Variants in TCN1 observed in about 807,000 individuals in gnomAD.
TCN1 encodes transcobalamin-1.
Under a neutral mutation model 46.3 loss-of-function variants are expected in TCN1, and 47 were observed. The observed-to-expected ratio is 1.01, with a 90% CI of 0.80 to 1.29. TCN1 has a LOEUF of 1.29. Among genes scored for constraint, TCN1 ranks in the 50% most tolerant of loss-of-function variants. The pLI, the probability that TCN1 is intolerant of heterozygous loss-of-function variation, is 0.00. For missense variants in TCN1, 532 were observed against 511.0 expected, an observed-to-expected ratio of 1.04 and a Z score of -0.40; for synonymous variants, 183 against 192.5, an observed-to-expected ratio of 0.95 and a Z score of 0.41.
intron 7 of TCN1, among the ~76,000 whole-genome samples, chr11:59,853,600 C>T (rs1565213083): frequency 6.6e-6 from 1 of 152,122 alleles, no homozygotes; most frequent in African/African-American, 2.4e-5. Flanking sequence ...CCCCACCTGC[C>T]ATGGTAGATA....
At chr11:59,862,748 A>G (rs1003188010) in intron 2 of TCN1, 26 bp from the exon 3 acceptor site, 75 of 1,612,204 alleles carry the variant, frequency 4.7e-5, no homozygotes, top group Non-Finnish European at 6.4e-5. Flanking sequence ...TTCAAGCTTA[A>G]TAAGGTACAG....
chr11:59,864,140 T>G (rs1435946809), intron 1 of TCN1, 54 bp from the exon 2 acceptor site: 1 of 1,576,744 alleles, frequency 6.3e-7, no homozygotes, highest in Non-Finnish European at 8.7e-7. Flanking sequence ...ATAGTAAGAC[T>G]TGCAGCAGGG....
rs34530014 is a variant in TCN1, at chr11:59,863,993, AC to A, written c.172del (p.Val58CysfsTer14). The A allele has an allele frequency of 1.8e-3, 2,925 of 1,613,996 alleles. 56 individuals carry two copies. The African/African-American group carries it at 0.035, about 20-fold the overall frequency. ...YNRGTSAVNV[V>X]LSLKLVGIQI... ...GATTCCAACAAGTTTGAGGGACAAC[AC>A]AACATTGACAGCGCTGGTTCCCCTG... is the stretch of plus-strand genomic sequence containing the variant. On this transcript the variant is annotated frameshift_variant, in exon 2 of 9. Coordinates refer to ENST00000257264, the MANE Select transcript of TCN1 (RefSeq NM_001062.4). LOFTEE classifies it high-confidence loss of function.
intron 3 of TCN1, among the ~76,000 whole-genome samples, chr11:59,862,344 T>G (rs960025110): frequency 1.3e-5 from 2 of 152,132 alleles, no homozygotes; most frequent in African/African-American, 4.8e-5. Context: ...TGTATGTGTG[T>G]GTGTGTTTCT....
At chr11:59,861,242 C>T (rs74612762) in intron 4 of TCN1, among the ~76,000 whole-genome samples, 2,724 of 152,250 alleles carry the variant, frequency 0.018, 82 homozygotes, top group African/African-American at 0.059. Flanking sequence ...TTATCCTCAT[C>T]TTACAAATGG....
At chr11:59,862,202 A>G (rs1288301503) in intron 3 of TCN1, among the ~76,000 whole-genome samples, 2 of 152,120 alleles carry the variant, frequency 1.3e-5, no homozygotes, top group Non-Finnish European at 2.9e-5. Flanking sequence ...CTAGCATTGT[A>G]TATTTTGGTA....
At chr11:59,853,607 G>GAT (rs1565213086) in intron 7 of TCN1, among the ~76,000 whole-genome samples, 1 of 152,162 alleles carries the variant, frequency 6.6e-6, no homozygotes, top group African/African-American at 2.4e-5. Flanking sequence ...TGCCATGGTA[G>GAT]ATAGGTTTCA....
intron 5 of TCN1, among the ~76,000 whole-genome samples, chr11:59,856,534 G>A (rs1852940672): frequency 6.6e-6 from 1 of 151,682 alleles, no homozygotes. Context: ...TGGTATTTGA[G>A]TTAGGCCTTG....
intron 1 of TCN1, among the ~76,000 whole-genome samples, chr11:59,864,602 C>A (rs912265728): frequency 3.9e-5 from 6 of 152,086 alleles, no homozygotes; most frequent in African/African-American, 1.4e-4. Context: ...ACTTCATTGT[C>A]TGATTACCCA....
At chr11:59,861,482 G>A (rs765902933) in intron 4 of TCN1, 45 bp downstream of exon 4, 5 of 1,602,142 alleles carry the variant, frequency 3.1e-6, no homozygotes, top group Admixed American at 3.3e-5. Context: ...AGACCTACTG[G>A]TGACCATGTC....
chr11:59,862,566 A>G lies in TCN1; in HGVS notation c.400+16T>C. The G allele has an allele frequency of 6.2e-7, 1 of 1,612,950 alleles. No homozygotes were observed. The highest frequency in any genetic ancestry group is 8.5e-7 in the Non-Finnish European group (1 of 1,179,234). ...AAGACAAGGTAGTCTAGGGTCTCTA[A>G]ATATTTAATTCTTACCCATATTTTC... On this transcript the variant is annotated intron_variant, in intron 3 of 8. Transcript: ENST00000257264.
At chr11:59,854,587 G>T (rs1011418355) in intron 7 of TCN1, 65 bp downstream of exon 7, 3 of 1,529,454 alleles carry the variant, frequency 2.0e-6, no homozygotes, top group Non-Finnish European at 2.7e-6. Flanking sequence ...AGGTGCAAAT[G>T]CATTCTTACT....
Position 59,859,132 on chromosome 11 carries a change from TCAGA to T in TCN1, c.688_691del (p.Ser230ArgfsTer39), listed in dbSNP as rs1852987245. ...TCCAATGAGACCATTTTCTTTTTTC[TCAGA>T]CAGAATCTTTTCTACCAGTGACTTT... On this transcript the variant is annotated frameshift_variant, in exon 5 of 9. Transcript: ENST00000257264. LOFTEE classifies it high-confidence loss of function. 1 of 1,614,108 alleles carries T rather than the reference TCAGA, an allele frequency of 6.2e-7. No homozygotes were observed. Among genetic ancestry groups the T allele is most frequent in the African/African-American group, 1.3e-5 (1 of 75,076 alleles).
rs1472629377 is a variant in TCN1, at chr11:59,862,551, A to G, written c.400+31T>C. The G allele has an allele frequency of 2.5e-6, 4 of 1,610,444 alleles. No individual in the cohort carries two copies. The African/African-American group carries it at 5.3e-5, about 21-fold the overall frequency. ...GAATCAGTGGAGGAGAAGACAAGGT[A>G]GTCTAGGGTCTCTAAATATTTAATT... On this transcript the variant is annotated intron_variant, in intron 3 of 8. Transcript: ENST00000257264.
At position 59,852,910 on chromosome 11, in the gene TCN1, A is replaced by G; in HGVS notation, c.*65T>C. 7.0e-7 allele frequency: 1 copy of G among 1,423,424 alleles called. No individual in the cohort carries two copies. Among genetic ancestry groups the G allele is most frequent in the Admixed American group, 1.7e-5 (1 of 59,774 alleles). The allele number at this position is 1,423,424 out of a possible 1,614,324, so 88.2% of individuals were successfully genotyped here. A position where few individuals can be genotyped will look rare whatever the true frequency, so the allele number is the denominator to read the frequency against. On this transcript the variant is annotated 3_prime_UTR_variant, in exon 9 of 9. Transcript: ENST00000257264. Reference sequence around the variant, plus strand: ...CTGGGATAAATGAAGAAGAAGGCATAAGGACAATAAACATGGAACTCCACT... The same window carrying G: ...CTGGGATAAATGAAGAAGAAGGCATGAGGACAATAAACATGGAACTCCACT...
At position 59,852,850 on chromosome 11, in the gene TCN1, G is replaced by C. The variant is rs1297445670; in HGVS notation, c.*125C>G. 3 of 859,354 alleles carry C rather than the reference G, an allele frequency of 3.5e-6. No homozygotes were observed. Among genetic ancestry groups the C allele is most frequent in the Non-Finnish European group, 6.0e-6 (3 of 496,292 alleles). The allele number at this position is 859,354 out of a possible 1,614,324, so 53.2% of individuals were successfully genotyped here. On this transcript the variant is annotated 3_prime_UTR_variant, in exon 9 of 9. Transcript: ENST00000257264. ...CAACAACTTTTATTGAACATGTAGAGAGAGAAGGGGAGGTTATTAACTCTC... is the reference window on the plus strand; with the variant it reads ...CAACAACTTTTATTGAACATGTAGACAGAGAAGGGGAGGTTATTAACTCTC...
chr11:59,860,202 T>C (rs928061839), intron 4 of TCN1, among the ~76,000 whole-genome samples: 1 of 152,194 alleles, frequency 6.6e-6, no homozygotes, highest in African/African-American at 2.4e-5. Context: ...TGGTCCGATC[T>C]CCCTGCGAAC....
intron 1 of TCN1, 97 bp downstream of exon 1, chr11:59,866,295 A>G: frequency 1.2e-5 from 15 of 1,277,884 alleles, no homozygotes; most frequent in Non-Finnish European, 1.6e-5. Context: ...CGAAACTGGA[A>G]TGGGATCTTT....
intron 7 of TCN1, among the ~76,000 whole-genome samples, chr11:59,853,923 A>AGACATTAATTTACTACCTAT (rs1565213142): frequency 1.3e-5 from 2 of 151,832 alleles, no homozygotes; most frequent in Admixed American, 6.6e-5. Context: ...GTTGTTAGAT[A>AGACATTAATTTACTACCTAT]TGATAAATAA....
Sources: allele counts gnomAD v4.1 joint callset (sites outside exome capture counted in the v4.1 genomes callset), GRCh38; gene constraint gnomAD v4.1.1; transcripts MANE v1.5; gene names NCBI Gene and HGNC (gene_info 2026-07-23, HGNC 2026-07-21).